CSDE1: variants seen among roughly 807,000 people sequenced by gnomAD.
The protein encoded by CSDE1 is cold shock domain-containing protein E1.
Under a neutral mutation model 89.3 loss-of-function variants are expected in CSDE1, and 17 were observed. The observed-to-expected ratio is 0.19, with a 90% CI of 0.13 to 0.29. CSDE1 has a LOEUF of 0.29. Among genes scored for constraint, CSDE1 ranks in the 10% least tolerant of loss-of-function variants. The probability of loss-of-function intolerance (pLI) is 1.00; values close to 1 mark genes in which losing one functional copy is unlikely to be tolerated. For missense variants in CSDE1, 672 were observed against 984.2 expected (o/e 0.68, Z 4.24); for synonymous variants, 322 against 332.8 (o/e 0.97, Z 0.35).
intron 2 of CSDE1, among the ~76,000 whole-genome samples, chr1:114,748,119 C>T (rs1039996748): frequency 2.0e-5 from 3 of 152,132 alleles, no homozygotes; most frequent in Non-Finnish European, 2.9e-5. Flanking sequence ...AATTCTAGTG[C>T]ACAGCAAGGT....
At position 114,725,977 on chromosome 1, in the gene CSDE1, C is replaced by T. The variant is rs114820296; in HGVS notation, c.1640+234G>A. On this transcript the variant is annotated intron_variant, in intron 14 of 19. Transcript: ENST00000358528. ...ACTACATTATACACCAAATGGCCAA[C>T]TCTATGGTACCAACACAAAAAATAA... is the stretch of plus-strand genomic sequence containing the variant. Among the ~76,000 whole-genome samples the T allele has an allele frequency of 5.0e-3, 762 of 152,302 alleles. 5 individuals carry two copies. Among genetic ancestry groups the T allele is most frequent in the African/African-American group, 0.017 (712 of 41,562 alleles).
At chr1:114,757,868 C>T (rs1339940873) in intron 1 of CSDE1, 57 bp downstream of exon 1, 1 of 152,820 alleles carries the variant, frequency 6.5e-6, no homozygotes, top group African/African-American at 2.4e-5. Context: ...TGGTCTTATT[C>T]TCAGCCCTTC....
chr1:114,749,442 A>G (rs1661187701), intron 2 of CSDE1, among the ~76,000 whole-genome samples: 1 of 152,248 alleles, frequency 6.6e-6, no homozygotes, highest in Non-Finnish European at 1.5e-5. Context: ...TCAAGAAGCT[A>G]ACATTGAAGA....
At chr1:114,755,570 T>G (rs893458663) in intron 1 of CSDE1, among the ~76,000 whole-genome samples, 6 of 152,174 alleles carry the variant, frequency 3.9e-5, no homozygotes. Context: ...CATTCTAATA[T>G]CAAAACAAAG....
chr1:114,725,720 C>G (rs1659753769), intron 14 of CSDE1, among the ~76,000 whole-genome samples: 1 of 152,142 alleles, frequency 6.6e-6, no homozygotes, highest in African/African-American at 2.4e-5. Flanking sequence ...ACTGCAACCT[C>G]TGCCTCCCAG....
chr1:114,718,104 G>A lies in CSDE1; in HGVS notation c.*65C>T. The A allele has an allele frequency of 6.4e-7, 1 of 1,555,952 alleles. No individual in the cohort carries two copies. Among genetic ancestry groups the A allele is most frequent in the East Asian group, 2.2e-5 (1 of 44,560 alleles). ...GGAGGGATGAAGAGGGAGATATTCA[G>A]AACCCTTCACCAGATTCCCCCCAAC... On this transcript the variant is annotated 3_prime_UTR_variant, in exon 20 of 20. Coordinates refer to ENST00000358528, the MANE Select transcript of CSDE1 (RefSeq NM_001007553.3).
In CSDE1 at chr1:114,725,273, G is replaced by A. The variant is rs1326791691; in HGVS notation, c.1701C>T (p.Ser567=). ...CACTGACTTTGTTGCCTTTGCCTTT[G>A]GACAAGCTATACTCGACCATGTCCC... ...ELGDMVEYSL[S]KGKGNKVSAE... is the part of the protein sequence containing the mutation. The change falls in exon 15 of 20, where the codon TCC becomes TCT. Residue 567 remains serine, a synonymous_variant. Coordinates refer to ENST00000358528, the MANE Select transcript of CSDE1 (RefSeq NM_001007553.3). The A allele has an allele frequency of 1.9e-6, 3 of 1,613,952 alleles. No homozygotes were observed. Among genetic ancestry groups the A allele is most frequent in the African/African-American group, 2.7e-5 (2 of 74,878 alleles).
At position 114,747,588 on chromosome 1, in the gene CSDE1, G is replaced by A. The variant is rs563942353; in HGVS notation, c.-1+2233C>T. On this transcript the variant is annotated intron_variant, in intron 2 of 19. Coordinates refer to ENST00000358528, the MANE Select transcript of CSDE1 (RefSeq NM_001007553.3). ...CTTAATATCTAATCTTGCCAGGCAC[G>A]GTGGCTCATGCCTGTAATCCCAGCA... 1.3e-3 allele frequency among the ~76,000 whole-genome samples: 192 copies of A among 152,246 alleles called. 1 individual carries two copies. Among genetic ancestry groups the A allele is most frequent in the Non-Finnish European group, 2.1e-3 (143 of 68,026 alleles).
chr1:114,750,504 T>C (rs1284774124), intron 1 of CSDE1, among the ~76,000 whole-genome samples: 1 of 152,088 alleles, frequency 6.6e-6, no homozygotes, highest in Non-Finnish European at 1.5e-5. Flanking sequence ...AAGTATTTTA[T>C]AAGGATCTAG....
At chr1:114,728,481 T>G (rs1659918536) in intron 12 of CSDE1, among the ~76,000 whole-genome samples, 1 of 152,026 alleles carries the variant, frequency 6.6e-6, no homozygotes, top group Admixed American at 6.6e-5. Flanking sequence ...TGTTATATAC[T>G]GTAAGAAGCA....
intron 12 of CSDE1, chr1:114,727,827 T>C (rs918649755): frequency 6.6e-6 from 1 of 152,066 alleles, no homozygotes; most frequent in Non-Finnish European, 1.5e-5. Flanking sequence ...ACTAAAAAAA[T>C]AAAAGTCTAA....
chr1:114,733,310 A>T (rs1040464356), intron 9 of CSDE1, among the ~76,000 whole-genome samples: 10 of 152,182 alleles, frequency 6.6e-5, no homozygotes, highest in Admixed American at 2.0e-4. Context: ...GACAGATCGC[A>T]AGGTCAAGAG....
Position 114,719,571 on chromosome 1 carries a change from A to G in CSDE1, c.2216+8T>C, listed in dbSNP as rs374142919. 119 of 1,611,176 alleles carry G rather than the reference A, an allele frequency of 7.4e-5. No individual in the cohort carries two copies. The highest frequency in any genetic ancestry group is 9.8e-5 in the Non-Finnish European group (115 of 1,179,146). The stretch of plus-strand genomic sequence containing the variant: ...AGTTACTAATCAAACCACAACAACA[A>G]AACTCACCAGACTCGCCAAACATTA... On this transcript the variant is annotated splice_region_variant and intron_variant, in intron 18 of 19. Coordinates refer to ENST00000358528, the MANE Select transcript of CSDE1 (RefSeq NM_001007553.3).
At chr1:114,725,091 T>C (rs1178925304) in intron 15 of CSDE1, 130 bp downstream of exon 15, 6 of 727,758 alleles carry the variant, frequency 8.2e-6, no homozygotes, top group Non-Finnish European at 1.2e-5. Flanking sequence ...AACCAGGTGA[T>C]GCTGCTGTTC....
In CSDE1 at chr1:114,733,772, G is replaced by C; in HGVS notation, c.797C>G (p.Thr266Ser). ...TACTTTTGGGATAACTTTGGTTACA[G>C]TTCCTTCAAAATGTTCAATGCTGAT... ...EDISIEHFEGTVTKVIPKVPS... is the reference protein window; with the variant it reads ...EDISIEHFEGSVTKVIPKVPS... Residue 266 changes from threonine to serine, a missense_variant, in exon 9 of 20, where the codon ACT becomes AGT. Coordinates refer to ENST00000358528, the MANE Select transcript of CSDE1 (RefSeq NM_001007553.3). The C allele has an allele frequency of 1.2e-6, 2 of 1,613,872 alleles. No individual in the cohort carries two copies. Among genetic ancestry groups the C allele is most frequent in the East Asian group, 2.2e-5 (1 of 44,850 alleles).
chr1:114,756,455 G>A (rs888527717), intron 1 of CSDE1, among the ~76,000 whole-genome samples: 3 of 152,058 alleles, frequency 2.0e-5, no homozygotes, highest in South Asian at 2.1e-4. Flanking sequence ...AGAAAACCAA[G>A]GTATGTATTA....
chr1:114,721,512 G>A (rs1183962911), intron 16 of CSDE1, among the ~76,000 whole-genome samples: 1 of 152,188 alleles, frequency 6.6e-6, no homozygotes, highest in African/African-American at 2.4e-5. Context: ...GTCAACAATA[G>A]TGGAAAACAT....
chr1:114,727,127 C>G (rs373488597), intron 12 of CSDE1, 37 bp from the exon 13 acceptor site: 3 of 1,443,820 alleles, frequency 2.1e-6, no homozygotes, highest in Non-Finnish European at 2.9e-6. Flanking sequence ...TGAAAACAAT[C>G]TCAAGAACAA....
intron 9 of CSDE1, 91 bp downstream of exon 9, chr1:114,733,641 T>G (rs1186313020): frequency 1.5e-5 from 18 of 1,187,638 alleles, no homozygotes; most frequent in Non-Finnish European, 2.0e-5. Context: ...CACATTATAT[T>G]AACTGAATAA....
Sources: gnomAD v4.1 joint callset for allele counts (sites outside exome capture counted in the v4.1 genomes callset) on GRCh38, gnomAD v4.1.1 for gene constraint, MANE v1.5 for transcripts, NCBI Gene and HGNC (gene_info 2026-07-23, HGNC 2026-07-21) for gene names.